ELOVL6: variants seen among roughly 807,000 people sequenced by gnomAD.
The protein encoded by ELOVL6 is ELOVL fatty acid elongase 6, also known as very long chain fatty acid elongase 6.
A neutral mutation model predicts 31.7 loss-of-function variants in ELOVL6; 8 were observed. The observed-to-expected ratio is 0.25, with a 90% confidence interval of 0.15 to 0.45. The LOEUF is 0.45. ELOVL6 is among the 20% of genes least tolerant of loss of function. ELOVL6 has a pLI of 1.00. For missense variants in ELOVL6, 126 were observed against 326.4 expected (o/e 0.39, Z 4.73); for synonymous variants, 101 against 117.7 (o/e 0.86, Z 0.92).
intron 1 of ELOVL6, among the ~76,000 whole-genome samples, chr4:110,182,592 T>C (rs1329152563): frequency 6.6e-6 from 1 of 151,996 alleles, no homozygotes; most frequent in African/African-American, 2.4e-5. Context: ...ACCCAGAATA[T>C]AATATGAACA....
intron 1 of ELOVL6, among the ~76,000 whole-genome samples, chr4:110,151,558 T>A (rs977695062): frequency 1.3e-5 from 2 of 152,156 alleles, no homozygotes; most frequent in African/African-American, 4.8e-5. Flanking sequence ...GTATTTGGGT[T>A]TGACCTATGG....
chr4:110,144,565 GGTCCTACCTCA>G (rs1255676938), intron 1 of ELOVL6, among the ~76,000 whole-genome samples: 1 of 152,026 alleles, frequency 6.6e-6, no homozygotes, highest in Non-Finnish European at 1.5e-5. Flanking sequence ...TGACTCCTGA[GGTCCTACCTCA>G]GTTGTCAATT....
At chr4:110,093,227 C>A in intron 2 of ELOVL6, 1 of 309,572 alleles carries the variant, frequency 3.2e-6, no homozygotes, top group Non-Finnish European at 6.5e-6. Flanking sequence ...ATAAAAGAAT[C>A]TCAAGTTTAA....
At chr4:110,068,909 C>A (rs769576945) in intron 2 of ELOVL6, among the ~76,000 whole-genome samples, 34 of 152,114 alleles carry the variant, frequency 2.2e-4, no homozygotes, top group Non-Finnish European at 3.8e-4. Flanking sequence ...TTGGAAGACC[C>A]AGGCAGGAGG....
chr4:110,119,314 A>G (rs1757275995), intron 1 of ELOVL6, among the ~76,000 whole-genome samples: 1 of 152,086 alleles, frequency 6.6e-6, no homozygotes, highest in Non-Finnish European at 1.5e-5. Flanking sequence ...GAAAGAAAAA[A>G]AAAGGTGGTA....
At chr4:110,114,308 A>G (rs757078223) in intron 1 of ELOVL6, among the ~76,000 whole-genome samples, 9 of 152,096 alleles carry the variant, frequency 5.9e-5, no homozygotes, top group Non-Finnish European at 1.2e-4. Flanking sequence ...AAATACAATT[A>G]TGGGCTATGT....
chr4:110,147,780 G>C (rs909741150), intron 1 of ELOVL6, among the ~76,000 whole-genome samples: 1 of 142,650 alleles, frequency 7.0e-6, no homozygotes, highest in Non-Finnish European at 1.5e-5. Flanking sequence ...GACAGAGCAG[G>C]ACACACACAC....
chr4:110,171,530 G>A (rs1466025473), intron 1 of ELOVL6, among the ~76,000 whole-genome samples: 2 of 151,970 alleles, frequency 1.3e-5, no homozygotes, highest in African/African-American at 2.4e-5. Flanking sequence ...TCCATAAGAA[G>A]CTCAAGATTG....
intron 2 of ELOVL6, among the ~76,000 whole-genome samples, chr4:110,085,050 G>T (rs1756211035): frequency 2.0e-5 from 3 of 152,034 alleles, no homozygotes; most frequent in Admixed American, 6.6e-5. Context: ...GTGTTGGCAG[G>T]GCTGGCTAAG....
At chr4:110,075,114 T>C (rs1184746241) in intron 2 of ELOVL6, among the ~76,000 whole-genome samples, 2 of 152,134 alleles carry the variant, frequency 1.3e-5, no homozygotes, top group East Asian at 3.9e-4. Flanking sequence ...ATCAAAAAAA[T>C]GAAAAATAAT....
intron 2 of ELOVL6, among the ~76,000 whole-genome samples, chr4:110,084,527 CACTT>C (rs1255068770): frequency 1.6e-4 from 12 of 74,952 alleles, no homozygotes; most frequent in African/African-American, 6.7e-4. Flanking sequence ...ACATTATATA[CACTT>C]ACACACACAC....
At chr4:110,088,951 G>A (rs976752911) in intron 2 of ELOVL6, among the ~76,000 whole-genome samples, 1 of 152,154 alleles carries the variant, frequency 6.6e-6, no homozygotes, top group Admixed American at 6.5e-5. Context: ...TGAAACCACA[G>A]AAAGTAAAAT....
At chr4:110,175,796 T>C (rs1759085382) in intron 1 of ELOVL6, among the ~76,000 whole-genome samples, 1 of 152,170 alleles carries the variant, frequency 6.6e-6, no homozygotes, top group Non-Finnish European at 1.5e-5. Flanking sequence ...GTCTAAGTCA[T>C]GCCTTCATAG....
At chr4:110,129,523 G>A (rs1757605510) in intron 1 of ELOVL6, among the ~76,000 whole-genome samples, 1 of 152,188 alleles carries the variant, frequency 6.6e-6, no homozygotes. Context: ...TCAGAGATTA[G>A]TCTGCAGTGA....
rs36047267 is a variant in ELOVL6, at chr4:110,158,637, A to ATGTG, written c.89+39609_89+39610insCACA. 9.0e-4 allele frequency among the ~76,000 whole-genome samples: 60 copies of ATGTG among 66,946 alleles called. 1 individual carries two copies. Among genetic ancestry groups the ATGTG allele is most frequent in the South Asian group, 3.8e-3 (9 of 2,344 alleles). The allele number at this position is 66,946 out of a possible 152,430, so 43.9% of individuals were successfully genotyped here. A position where few individuals can be genotyped will look rare whatever the true frequency, so the allele number is the denominator to read the frequency against. On this transcript the variant is annotated intron_variant, in intron 1 of 3. Transcript: ENST00000302274. ...TATACACACACATATATACACGTGT[A>ATGTG]TATATATATATATATATATATTTTT...
At chr4:110,053,795 C>A (rs898423952) in intron 3 of ELOVL6, among the ~76,000 whole-genome samples, 2 of 152,104 alleles carry the variant, frequency 1.3e-5, no homozygotes, top group African/African-American at 2.4e-5. Context: ...AAAAAATATC[C>A]AGGTGTGGTG....
chr4:110,092,801 G>GTA (rs1422657996), intron 2 of ELOVL6, among the ~76,000 whole-genome samples: 1 of 147,164 alleles, frequency 6.8e-6, no homozygotes, highest in Non-Finnish European at 1.5e-5. Flanking sequence ...AAATCTTGTA[G>GTA]TACACACACA....
chr4:110,097,336 T>TAAAAAAAG (rs1326425414), intron 2 of ELOVL6, among the ~76,000 whole-genome samples: 1 of 142,832 alleles, frequency 7.0e-6, no homozygotes, highest in East Asian at 2.3e-4. Flanking sequence ...TAAGAAATCC[T>TAAAAAAAG]CTACCCCACT....
intron 2 of ELOVL6, among the ~76,000 whole-genome samples, chr4:110,080,200 C>A (rs1282915310): frequency 6.6e-6 from 1 of 152,216 alleles, no homozygotes; most frequent in African/African-American, 2.4e-5. Context: ...GAAACTATTA[C>A]AATCAATAGA....
Sources: gnomAD v4.1 joint callset for allele counts (sites outside exome capture counted in the v4.1 genomes callset) on GRCh38, gnomAD v4.1.1 for gene constraint, MANE v1.5 for transcripts, NCBI Gene and HGNC (gene_info 2026-07-23, HGNC 2026-07-21) for gene names.